TRABD2B: variants seen among roughly 807,000 people sequenced by gnomAD.
TRABD2B encodes the protein metalloprotease TIKI2.
TRABD2B carries 14 observed loss-of-function variants against 40.1 expected under a neutral mutation model. The observed-to-expected ratio is 0.35, with a 90% CI of 0.23 to 0.55. The LOEUF (loss-of-function observed/expected upper bound fraction) is 0.55. TRABD2B is among the 20% of genes least tolerant of loss of function. TRABD2B has a pLI of 0.90. For synonymous variants in TRABD2B, 263 were observed against 277.0 expected, an observed-to-expected ratio of 0.95 and a Z score of 0.50; for missense variants, 541 against 648.6, an observed-to-expected ratio of 0.83 and a Z score of 1.80.
intron 2 of TRABD2B, among the ~76,000 whole-genome samples, chr1:47,950,889 G>T (rs1375218941): frequency 6.6e-6 from 1 of 152,200 alleles, no homozygotes; most frequent in Non-Finnish European, 1.5e-5. Flanking sequence ...GTGGTGAGGG[G>T]GCACTGGTGG....
In TRABD2B at chr1:47,778,497, C is replaced by T; in HGVS notation, c.1036G>A (p.Gly346Arg). The T allele has an allele frequency of 6.5e-7, 1 of 1,536,166 alleles. No individual in the cohort carries two copies. Among genetic ancestry groups the T allele is most frequent in the Non-Finnish European group, 8.7e-7 (1 of 1,146,916 alleles). ...NTVIDILRQA[G>R]LEVDHTPAGQ... is the part of the protein sequence containing the mutation. The stretch of plus-strand genomic sequence containing the variant: ...GCGGGTGTGTGGTCCACCTCCAGCC[C>T]TGCCTGCCGCAGGATGTCGATGACT... Residue 346 changes from glycine (G) to arginine (R), a missense_variant, in exon 5 of 7, where the codon GGG becomes AGG. By Grantham distance (125) the Gly-to-Arg change is moderately radical. Transcript: ENST00000606738.
chr1:47,839,404 C>G (rs1014576047), intron 2 of TRABD2B, among the ~76,000 whole-genome samples: 3 of 152,142 alleles, frequency 2.0e-5, no homozygotes, highest in African/African-American at 7.2e-5. Context: ...TCACTCACAC[C>G]TAACCAGTCC....
rs956666097 is a variant in TRABD2B, at chr1:47,760,640, T to C, written c.*5262A>G. ...ATTTATACTCTTAAAGGACTCTTCATGATAATTCACAGAGGTGAGGGGCAG... is the reference window on the plus strand; with the variant it reads ...ATTTATACTCTTAAAGGACTCTTCACGATAATTCACAGAGGTGAGGGGCAG... On this transcript the variant is annotated 3_prime_UTR_variant, in exon 7 of 7. Transcript: ENST00000606738. 2 of 152,246 alleles carry C rather than the reference T, an allele frequency of 1.3e-5. No homozygotes were observed. Among genetic ancestry groups the C allele is most frequent in the Non-Finnish European group, 1.5e-5 (1 of 68,040 alleles). 9.4% of individuals were successfully genotyped at this position (152,246 alleles called of 1,614,324 possible).
intron 2 of TRABD2B, among the ~76,000 whole-genome samples, chr1:47,948,419 A>T (rs1645290314): frequency 6.6e-6 from 1 of 152,212 alleles, no homozygotes; most frequent in Non-Finnish European, 1.5e-5. Context: ...CTGGTGGTAA[A>T]CACACCTATC....
chr1:47,860,995 T>A (rs1476586617), intron 2 of TRABD2B, among the ~76,000 whole-genome samples: 1 of 152,200 alleles, frequency 6.6e-6, no homozygotes, highest in African/African-American at 2.4e-5. Flanking sequence ...TGAAATGGAC[T>A]AAGACAGGGT....
intron 2 of TRABD2B, among the ~76,000 whole-genome samples, chr1:47,920,216 A>C (rs1402561828): frequency 1.3e-5 from 2 of 152,160 alleles, no homozygotes; most frequent in African/African-American, 4.8e-5. Context: ...AGGTGTTATA[A>C]TTATTCTTGT....
At chr1:47,838,592 T>A (rs1477017579) in intron 2 of TRABD2B, among the ~76,000 whole-genome samples, 2 of 152,234 alleles carry the variant, frequency 1.3e-5, no homozygotes, top group Non-Finnish European at 2.9e-5. Flanking sequence ...CAGTTACTGC[T>A]GATAGGTTTA....
intron 2 of TRABD2B, among the ~76,000 whole-genome samples, chr1:47,810,117 T>C (rs1324786605): frequency 6.7e-6 from 1 of 149,802 alleles, no homozygotes; most frequent in Admixed American, 6.7e-5. Flanking sequence ...ATGGAGAAAA[T>C]AAGGCAAAGA....
intron 2 of TRABD2B, among the ~76,000 whole-genome samples, chr1:47,848,196 T>C (rs569517380): frequency 1.3e-5 from 2 of 152,326 alleles, no homozygotes; most frequent in South Asian, 2.1e-4. Flanking sequence ...TGTTAAGTAA[T>C]TCAGGCACTT....
At chr1:47,940,203 C>T (rs1170209254) in intron 2 of TRABD2B, among the ~76,000 whole-genome samples, 2 of 152,216 alleles carry the variant, frequency 1.3e-5, no homozygotes, top group Non-Finnish European at 2.9e-5. Flanking sequence ...CAAGATGCAG[C>T]CTTGCTGAAC....
chr1:47,781,015 T>C (rs1430094987), intron 4 of TRABD2B, among the ~76,000 whole-genome samples: 1 of 152,134 alleles, frequency 6.6e-6, no homozygotes, highest in African/African-American at 2.4e-5. Context: ...GCAGAAGAAG[T>C]GGATGTCCCT....
rs1488170824 is a variant in TRABD2B, at chr1:47,788,932, T to C, written c.988+5654A>G. ...TCCAGGAAAAAAGAATGCTAGAAGA[T>C]TTCTGGATGGCTGAACAAGTAAATA... is the stretch of plus-strand genomic sequence containing the variant. On this transcript the variant is annotated intron_variant, in intron 4 of 6. Transcript: ENST00000606738. Among the ~76,000 whole-genome samples, 4 of 152,156 alleles carry C rather than the reference T, an allele frequency of 2.6e-5. No homozygotes were observed. The East Asian group carries it at 7.7e-4, about 29-fold the overall frequency.
At chr1:47,939,955 C>A (rs1360081892) in intron 2 of TRABD2B, among the ~76,000 whole-genome samples, 1 of 152,162 alleles carries the variant, frequency 6.6e-6, no homozygotes, top group African/African-American at 2.4e-5. Flanking sequence ...TCCAAGCAAA[C>A]CTTGCAGAGC....
intron 2 of TRABD2B, among the ~76,000 whole-genome samples, chr1:47,832,812 C>A (rs1306619217): frequency 2.0e-5 from 3 of 152,114 alleles, no homozygotes; most frequent in Admixed American, 6.5e-5. Context: ...CTATTTGGGG[C>A]TCTCAGAGTG....
At chr1:47,775,141 C>T in intron 6 of TRABD2B, 29 bp downstream of exon 6, 1 of 1,232,950 alleles carries the variant, frequency 8.1e-7, no homozygotes, top group Non-Finnish European at 1.0e-6. Flanking sequence ...ACGCCCAGCT[C>T]CTGGGCAGAC....
chr1:47,845,368 T>G (rs1240239795), intron 2 of TRABD2B, among the ~76,000 whole-genome samples: 1 of 152,220 alleles, frequency 6.6e-6, no homozygotes, highest in Admixed American at 6.5e-5. Context: ...TAGTGAGTAA[T>G]TATTTTGCTC....
chr1:47,939,509 C>A (rs1480593264), intron 2 of TRABD2B, among the ~76,000 whole-genome samples: 2 of 152,204 alleles, frequency 1.3e-5, no homozygotes, highest in African/African-American at 4.8e-5. Context: ...GCCATGTTCT[C>A]TGTTCTGTCT....
intron 2 of TRABD2B, among the ~76,000 whole-genome samples, chr1:47,971,415 A>G (rs1645680763): frequency 1.3e-5 from 2 of 152,228 alleles, no homozygotes; most frequent in African/African-American, 4.8e-5. Context: ...TTATAAGTGG[A>G]GAAAGGCTTA....
chr1:47,831,302 T>C (rs78077511), intron 2 of TRABD2B, among the ~76,000 whole-genome samples: 5 of 151,964 alleles, frequency 3.3e-5, no homozygotes, highest in South Asian at 2.1e-4. Context: ...TCGGGAAAAA[T>C]GCAAGACTGC....
Sources: allele counts gnomAD v4.1 joint callset (sites outside exome capture counted in the v4.1 genomes callset), GRCh38; gene constraint gnomAD v4.1.1; transcripts MANE v1.5; gene names NCBI Gene and HGNC (gene_info 2026-07-23, HGNC 2026-07-21).